DIAPH3: variants seen among roughly 807,000 people sequenced by gnomAD.
The protein encoded by DIAPH3 is protein diaphanous homolog 3.
In DIAPH3, 117 loss-of-function variants were observed where a neutral mutation model predicts 144.3. That is an observed-to-expected ratio of 0.81 (90% CI 0.70 to 0.95). The LOEUF is 0.95. DIAPH3 is among the 40% of genes least tolerant of loss of function. The pLI is 0.00. For synonymous variants in DIAPH3, 519 were observed against 488.9 expected (o/e 1.06, Z -0.81); for missense variants, 1,421 against 1,412.7 (o/e 1.01, Z -0.09).
intron 2 of DIAPH3, among the ~76,000 whole-genome samples, chr13:60,127,555 A>G (rs1166141267): frequency 6.6e-6 from 1 of 152,212 alleles, no homozygotes; most frequent in Non-Finnish European, 1.5e-5. Context: ...AACTGTACTA[A>G]TAATAGCCGA....
intron 27 of DIAPH3, among the ~76,000 whole-genome samples, chr13:59,756,988 C>T (rs75034731): frequency 1.3e-5 from 2 of 152,178 alleles, no homozygotes; most frequent in East Asian, 3.9e-4. Context: ...ACATAGTTTG[C>T]TAAGAAATAC....
At chr13:60,043,871 A>T (rs1454633594) in intron 4 of DIAPH3, among the ~76,000 whole-genome samples, 1 of 152,216 alleles carries the variant, frequency 6.6e-6, no homozygotes, top group Non-Finnish European at 1.5e-5. Context: ...AGCAGGAAAG[A>T]GAATAAGTAG....
intron 25 of DIAPH3, among the ~76,000 whole-genome samples, chr13:59,792,508 TC>T (rs1424770603): frequency 6.6e-6 from 1 of 152,212 alleles, no homozygotes; most frequent in Admixed American, 6.5e-5. Context: ...CTTGACCTCC[TC>T]CTCTCCAGGG....
At chr13:59,911,146 A>G (rs1489344122) in intron 20 of DIAPH3, among the ~76,000 whole-genome samples, 1 of 152,158 alleles carries the variant, frequency 6.6e-6, no homozygotes, top group Non-Finnish European at 1.5e-5. Context: ...CAGAAAAGAA[A>G]TCTTGATAAA....
intron 4 of DIAPH3, chr13:60,044,416 A>T (rs2055914396): frequency 6.6e-6 from 1 of 152,194 alleles, no homozygotes; most frequent in African/African-American, 2.4e-5. Context: ...GAAGAATTCA[A>T]TGGTACAATC....
At chr13:59,759,428 G>A (rs536965337) in intron 27 of DIAPH3, among the ~76,000 whole-genome samples, 56 of 152,098 alleles carry the variant, frequency 3.7e-4, no homozygotes, top group Non-Finnish European at 6.9e-4. Context: ...AAGACACAGA[G>A]TTAATTTCTA....
chr13:59,814,486 T>A (rs1566352226), intron 24 of DIAPH3, among the ~76,000 whole-genome samples: 1 of 152,170 alleles, frequency 6.6e-6, no homozygotes, highest in Non-Finnish European at 1.5e-5. Context: ...GAGACTAATA[T>A]CCGAGTTCAA....
intron 24 of DIAPH3, among the ~76,000 whole-genome samples, chr13:59,821,457 C>T (rs2041069611): frequency 6.6e-6 from 1 of 151,950 alleles, no homozygotes; most frequent in Non-Finnish European, 1.5e-5. Flanking sequence ...TTTCTGTATT[C>T]TCATACATAT....
intron 27 of DIAPH3, among the ~76,000 whole-genome samples, chr13:59,726,951 A>T (rs1216366801): frequency 6.6e-6 from 1 of 152,212 alleles, no homozygotes; most frequent in Non-Finnish European, 1.5e-5. Flanking sequence ...ATACTCATCT[A>T]TAAAGCCTTT....
intron 20 of DIAPH3, among the ~76,000 whole-genome samples, chr13:59,899,551 G>A (rs1184205525): frequency 6.6e-6 from 1 of 152,148 alleles, no homozygotes; most frequent in Non-Finnish European, 1.5e-5. Context: ...CCTTAGCCAG[G>A]GGGAATGGTA....
chr13:59,839,010 C>T, intron 23 of DIAPH3: 1 of 277,644 alleles, frequency 3.6e-6, no homozygotes, highest in East Asian at 8.9e-5. Flanking sequence ...ACTTGAGAGA[C>T]TGAGGCAGGA....
At chr13:60,021,276 G>C (rs2053999608) in intron 5 of DIAPH3, among the ~76,000 whole-genome samples, 1 of 152,198 alleles carries the variant, frequency 6.6e-6, no homozygotes, top group South Asian at 2.1e-4. Context: ...ATCTAATCAT[G>C]TAATTCTTAA....
intron 25 of DIAPH3, among the ~76,000 whole-genome samples, chr13:59,777,130 C>G (rs1284870130): frequency 6.6e-6 from 1 of 152,046 alleles, no homozygotes; most frequent in Admixed American, 6.5e-5. Flanking sequence ...ATGGCTGATT[C>G]TAGAACTGAG....
chr13:60,012,410 C>T (rs2053333652), intron 7 of DIAPH3, among the ~76,000 whole-genome samples: 1 of 152,160 alleles, frequency 6.6e-6, no homozygotes, highest in Non-Finnish European at 1.5e-5. Context: ...TTTATGATAG[C>T]CTGGGCTATT....
chr13:60,065,078 A>G (rs963783503), intron 4 of DIAPH3, among the ~76,000 whole-genome samples: 6 of 152,132 alleles, frequency 3.9e-5, no homozygotes, highest in African/African-American at 1.2e-4. Context: ...ATCAAAGATC[A>G]CTGATCACAG....
At chr13:59,735,320 C>T (rs1333317717) in intron 27 of DIAPH3, among the ~76,000 whole-genome samples, 1 of 152,096 alleles carries the variant, frequency 6.6e-6, no homozygotes, top group Non-Finnish European at 1.5e-5. Context: ...AACACCTGGT[C>T]ATTTGAAGGA....
intron 27 of DIAPH3, among the ~76,000 whole-genome samples, chr13:59,709,290 C>T (rs998336938): frequency 1.3e-5 from 2 of 152,048 alleles, no homozygotes; most frequent in East Asian, 3.9e-4. Flanking sequence ...AAGACACTAC[C>T]ATCAGAGCGA....
chr13:59,719,398 A>G (rs991257565), intron 27 of DIAPH3, among the ~76,000 whole-genome samples: 1 of 152,160 alleles, frequency 6.6e-6, no homozygotes, highest in African/African-American at 2.4e-5. Context: ...TGATTTAATG[A>G]AGAATGGATT....
intron 2 of DIAPH3, among the ~76,000 whole-genome samples, chr13:60,117,766 C>G (rs911817815): frequency 6.6e-6 from 1 of 152,098 alleles, no homozygotes; most frequent in Non-Finnish European, 1.5e-5. Flanking sequence ...TTTAAAAATA[C>G]TTTTTACATA....
Sources: gnomAD v4.1 joint callset for allele counts (sites outside exome capture counted in the v4.1 genomes callset) on GRCh38, gnomAD v4.1.1 for gene constraint, MANE v1.5 for transcripts, NCBI Gene and HGNC (gene_info 2026-07-23, HGNC 2026-07-21) for gene names.